Variants in PEBP1 observed in about 807,000 individuals in gnomAD.
PEBP1 encodes phosphatidylethanolamine-binding protein 1.
PEBP1 carries 17 observed loss-of-function variants against 22.7 expected under a neutral mutation model. The observed-to-expected ratio is 0.75, with a 90% confidence interval of 0.51 to 1.12. PEBP1 has a LOEUF of 1.12. Ranked by LOEUF, PEBP1 falls within the 50% of genes most tolerant of loss-of-function variation. The probability of loss-of-function intolerance (pLI) is 0.00; values close to 1 mark genes in which losing one functional copy is unlikely to be tolerated. For synonymous variants in PEBP1, 106 were observed against 104.3 expected (o/e 1.02, Z -0.10); for missense variants, 205 against 243.5 (o/e 0.84, Z 1.05).
At chr12:118,144,508 A>G in intron 3 of PEBP1, 78 bp from the exon 4 acceptor site, 1 of 1,414,574 alleles carries the variant, frequency 7.1e-7, no homozygotes, top group Admixed American at 2.0e-5. Context: ...CCATGTTGAA[A>G]CATTCGATAA....
chr12:118,142,196 AT>A (rs1180068779), intron 3 of PEBP1, among the ~76,000 whole-genome samples: 11 of 135,274 alleles, frequency 8.1e-5, no homozygotes, highest in South Asian at 4.6e-4. Context: ...TTTTTTTTAA[AT>A]TTTTTTTTTT....
chr12:118,141,467 C>G (rs1191926894), intron 3 of PEBP1, among the ~76,000 whole-genome samples: 1 of 152,206 alleles, frequency 6.6e-6, no homozygotes, highest in Non-Finnish European at 1.5e-5. Context: ...GGCACGGTGG[C>G]TCACGCCTAT....
rs1277462628 is a variant in PEBP1, at chr12:118,136,394, GCCGGCCTCC to G, written c.135+51_135+59del. On this transcript the variant is annotated intron_variant, in intron 1 of 3. Transcript: ENST00000261313. This position sits in a 1 kb window ranked among gnomAD's most constrained non-coding sequence, Gnocchi z 5.6. ...CGAGCGGCACGGCGCGGAGGCCTGT[GCCGGCCTCC>G]TGGGTGGGACCCAGCGGAGACAGGG... 6.6e-7 allele frequency: 1 copy of G among 1,509,820 alleles called. No homozygotes were observed. Among genetic ancestry groups the G allele is most frequent in the Non-Finnish European group, 8.8e-7 (1 of 1,134,890 alleles). The allele number at this position is 1,509,820 out of a possible 1,614,324, so 93.5% of individuals were successfully genotyped here.
rs987740308 is a variant in PEBP1 at position 118,137,979 on chromosome 12, A to G, written c.136-60A>G. On this transcript the variant is annotated intron_variant, in intron 1 of 3. Coordinates refer to ENST00000261313, the MANE Select transcript of PEBP1 (RefSeq NM_002567.4). ...TGGGATTACAGGCGTGAGCCACCAC[A>G]CCCAGCCAGTTTCTTCAGCATTTCT... The G allele has an allele frequency of 2.5e-5, 29 of 1,160,398 alleles. No homozygotes were observed. In the African/African-American group the frequency reaches 3.0e-4, roughly 12 times the overall value. 71.9% of individuals were successfully genotyped at this position (1,160,398 alleles called of 1,614,324 possible). A position where few individuals can be genotyped will look rare whatever the true frequency, so the allele number is the denominator to read the frequency against.
intron 2 of PEBP1, 141 bp from the exon 3 acceptor site, chr12:118,139,310 T>C: frequency 1.9e-6 from 1 of 516,940 alleles, no homozygotes; most frequent in Non-Finnish European, 3.4e-6. Flanking sequence ...AGACTCTGTC[T>C]CAAAAAAAAA....
chr12:118,137,046 T>G (rs1241791918), intron 1 of PEBP1, among the ~76,000 whole-genome samples: 1 of 152,202 alleles, frequency 6.6e-6, no homozygotes, highest in Non-Finnish European at 1.5e-5. Flanking sequence ...ATTTAATTTT[T>G]TTGGATGTTT....
rs572796238 is a variant in PEBP1, at chr12:118,145,178, A to G, written c.*375A>G. 950 of 387,510 alleles carry G rather than the reference A, an allele frequency of 2.5e-3. 3 individuals are homozygous for G. The highest frequency in any genetic ancestry group is 0.015 in the South Asian group (690 of 45,964). 24.0% of individuals were successfully genotyped at this position (387,510 alleles called of 1,614,324 possible). A position where few individuals can be genotyped will look rare whatever the true frequency, so the allele number is the denominator to read the frequency against. ...TCTTTAAGGGAGGTTTAAAAAAAAA[A>G]AAAAAAAAAAAGATTGGTTGCCTCT... On this transcript the variant is annotated 3_prime_UTR_variant, in exon 4 of 4. Transcript: ENST00000261313.
intron 3 of PEBP1, among the ~76,000 whole-genome samples, chr12:118,143,204 C>A (rs2138088414): frequency 6.6e-6 from 1 of 152,266 alleles, no homozygotes; most frequent in Admixed American, 6.5e-5. Context: ...TCTTCCCCAA[C>A]AGAAACCCTG....
chr12:118,137,673 A>G (rs1001951612), intron 1 of PEBP1, among the ~76,000 whole-genome samples: 1 of 152,108 alleles, frequency 6.6e-6, no homozygotes, highest in Non-Finnish European at 1.5e-5. Context: ...GATCAAAGAA[A>G]GAGTATTGGT....
At chr12:118,144,519 A>T in intron 3 of PEBP1, 67 bp from the exon 4 acceptor site, 1 of 1,473,828 alleles carries the variant, frequency 6.8e-7, no homozygotes, top group South Asian at 1.2e-5. Context: ...CATTCGATAA[A>T]AATGGATGAT....
rs967259003 is a variant in PEBP1 at position 118,142,358 on chromosome 12, A to AT, written c.347-2220dup. ...AGGTGTCCACCATCACACCCGGCTAATTTTTTTTACTTTTAGTAGAGACAG... is the reference window on the plus strand; with the variant it reads ...AGGTGTCCACCATCACACCCGGCTAATTTTTTTTTACTTTTAGTAGAGACAG... On this transcript the variant is annotated intron_variant, in intron 3 of 3. Transcript: ENST00000261313. 3.3e-5 allele frequency among the ~76,000 whole-genome samples: 5 copies of AT among 150,986 alleles called. No homozygotes were observed. In the East Asian group the frequency reaches 7.8e-4, roughly 23 times the overall value.
rs1443970034 is a variant in PEBP1, at chr12:118,139,565, G to C, written c.346+14G>C. 3.8e-6 allele frequency: 6 copies of C among 1,568,250 alleles called. No individual in the cohort carries two copies. The highest frequency in any genetic ancestry group is 5.3e-6 in the Non-Finnish European group (6 of 1,142,656). ...CCAAGGGCACAGGTTAGTAAAGGTT[G>C]TTTTTGGTGGGAGGTTGGGGAGGGA... is the stretch of plus-strand genomic sequence containing the variant. On this transcript the variant is annotated intron_variant, in intron 3 of 3. Transcript: ENST00000261313.
chr12:118,138,007 CTT>C lies in PEBP1; in HGVS notation c.136-27_136-26del, dbSNP rs758933960. 7 of 1,513,130 alleles carry C rather than the reference CTT, an allele frequency of 4.6e-6. No individual in the cohort carries two copies. In the Admixed American group the frequency reaches 1.2e-4, roughly 26 times the overall value. 93.7% of individuals were successfully genotyped at this position (1,513,130 alleles called of 1,614,324 possible). On this transcript the variant is annotated intron_variant, in intron 1 of 3. Coordinates refer to ENST00000261313, the MANE Select transcript of PEBP1 (RefSeq NM_002567.4). ...CAGCCAGTTTCTTCAGCATTTCTGA[CTT>C]TTTTACTGCAAACTGGTTCCTTCAT...
At chr12:118,143,882 G>C (rs993572219) in intron 3 of PEBP1, among the ~76,000 whole-genome samples, 6 of 148,798 alleles carry the variant, frequency 4.0e-5, no homozygotes. Flanking sequence ...TCCACGCCTA[G>C]GCAACAGAGT....
chr12:118,142,641 T>C (rs2034123474), intron 3 of PEBP1, among the ~76,000 whole-genome samples: 1 of 151,918 alleles, frequency 6.6e-6, no homozygotes, highest in African/African-American at 2.4e-5. Context: ...CATGTCTGGC[T>C]AATTTTTATA....
rs184591927 is a variant in PEBP1, at chr12:118,141,165, G to A, written c.346+1614G>A. On this transcript the variant is annotated intron_variant, in intron 3 of 3. Coordinates refer to ENST00000261313, the MANE Select transcript of PEBP1 (RefSeq NM_002567.4). ...GGAGTCTCGCTCTGTCTCCCAGGCT[G>A]GAGTGCAATGGCGTGATCTCGGCTC... 2.3e-3 allele frequency among the ~76,000 whole-genome samples: 344 copies of A among 151,794 alleles called. 1 individual carries two copies. The highest frequency in any genetic ancestry group is 7.5e-3 in the African/African-American group (310 of 41,384).
In PEBP1 at chr12:118,144,764, C is replaced by T. The variant is rs779966169; in HGVS notation, c.525C>T (p.Asp175=). Residue 175 remains aspartate, a synonymous_variant, in exon 4 of 4, where the codon GAC becomes GAT. Transcript: ENST00000261313. ...CGTGTTACCAGGCCGAGTGGGATGA[C>T]TATGTGCCCAAACTGTACGAGCAGC... ...AGTCYQAEWD[D]YVPKLYEQLS... is the part of the protein sequence containing the mutation. The T allele has an allele frequency of 5.0e-6, 8 of 1,614,124 alleles. No individual in the cohort carries two copies. The highest frequency in any genetic ancestry group is 1.7e-5 in the Admixed American group (1 of 60,016).
chr12:118,136,390 C>G lies in PEBP1; in HGVS notation c.135+46C>G. 6.6e-7 allele frequency: 1 copy of G among 1,511,210 alleles called. No individual in the cohort carries two copies. Among genetic ancestry groups the G allele is most frequent in the Non-Finnish European group, 8.8e-7 (1 of 1,135,838 alleles). 93.6% of individuals were successfully genotyped at this position (1,511,210 alleles called of 1,614,324 possible). A position where few individuals can be genotyped will look rare whatever the true frequency, so the allele number is the denominator to read the frequency against. On this transcript the variant is annotated intron_variant, in intron 1 of 3. Coordinates refer to ENST00000261313, the MANE Select transcript of PEBP1 (RefSeq NM_002567.4). This position sits in a 1 kb window ranked among gnomAD's most constrained non-coding sequence, Gnocchi z 5.6. ...GCAGCGAGCGGCACGGCGCGGAGGC[C>G]TGTGCCGGCCTCCTGGGTGGGACCC... is the stretch of plus-strand genomic sequence containing the variant.
At chr12:118,144,370 T>C (rs955650339) in intron 3 of PEBP1, among the ~76,000 whole-genome samples, 3 of 152,146 alleles carry the variant, frequency 2.0e-5, no homozygotes, top group Admixed American at 1.3e-4. Flanking sequence ...ACACATTCTA[T>C]TAGGTTGATG....
Sources: gnomAD v4.1 joint callset for allele counts (sites outside exome capture counted in the v4.1 genomes callset) on GRCh38, gnomAD v4.1.1 for gene constraint, Gnocchi (gnomAD v3.1) non-coding constraint, MANE v1.5 for transcripts, NCBI Gene and HGNC (gene_info 2026-07-23, HGNC 2026-07-21) for gene names.